Variants in GRIN2A observed in about 807,000 individuals in gnomAD.
The protein encoded by GRIN2A is glutamate receptor ionotropic, NMDA 2A.
GRIN2A carries 22 observed loss-of-function variants against 113.4 expected under a neutral mutation model. The observed-to-expected ratio is 0.19, with a 90% confidence interval of 0.14 to 0.28. The LOEUF is 0.28. GRIN2A is among the 10% of genes least tolerant of loss of function. GRIN2A has a pLI of 1.00. For synonymous variants in GRIN2A, 827 were observed against 738.4 expected (o/e 1.12, Z -1.94); for missense variants, 1,502 against 1,887.0 (o/e 0.80, Z 3.78).
At chr16:9,765,787 G>C (rs1900882802) in intron 12 of GRIN2A, among the ~76,000 whole-genome samples, 1 of 152,176 alleles carries the variant, frequency 6.6e-6, no homozygotes, top group Non-Finnish European at 1.5e-5. Context: ...TTAGAACTGG[G>C]TTTTAGTTAC....
At chr16:10,025,035 G>A (rs2046794005) in intron 2 of GRIN2A, among the ~76,000 whole-genome samples, 1 of 152,066 alleles carries the variant, frequency 6.6e-6, no homozygotes, top group African/African-American at 2.4e-5. Flanking sequence ...AAGGGAGGAA[G>A]AGGGAAGAGA....
At chr16:9,975,966 A>G (rs1190685228) in intron 2 of GRIN2A, among the ~76,000 whole-genome samples, 2 of 152,246 alleles carry the variant, frequency 1.3e-5, no homozygotes, top group Admixed American at 6.5e-5. Context: ...TATAATAACC[A>G]TAAATGTGTA....
intron 2 of GRIN2A, among the ~76,000 whole-genome samples, chr16:10,025,708 G>C (rs1213804711): frequency 1.3e-5 from 2 of 152,178 alleles, no homozygotes; most frequent in African/African-American, 4.8e-5. Context: ...AGACACCAGA[G>C]CGGGGTCCAC....
intron 3 of GRIN2A, among the ~76,000 whole-genome samples, chr16:9,930,605 G>A (rs1402714907): frequency 1.3e-5 from 2 of 152,220 alleles, no homozygotes; most frequent in African/African-American, 4.8e-5. Context: ...TGCGAGAAGT[G>A]TTTGTTGAGC....
At chr16:9,974,333 C>A (rs532242287) in intron 2 of GRIN2A, among the ~76,000 whole-genome samples, 1 of 152,284 alleles carries the variant, frequency 6.6e-6, no homozygotes, top group African/African-American at 2.4e-5. Flanking sequence ...AAAGATCGAC[C>A]CCTGACCTAA....
At chr16:10,053,702 C>T (rs1244519254) in intron 2 of GRIN2A, among the ~76,000 whole-genome samples, 1 of 152,214 alleles carries the variant, frequency 6.6e-6, no homozygotes, top group African/African-American at 2.4e-5. Flanking sequence ...CTTCTGTTGT[C>T]AGGGTCACTC....
intron 4 of GRIN2A, among the ~76,000 whole-genome samples, chr16:9,887,146 C>G (rs1204562959): frequency 6.6e-6 from 1 of 152,062 alleles, no homozygotes; most frequent in African/African-American, 2.4e-5. Context: ...CTTGGCCTCC[C>G]AAAGTGCTAG....
chr16:10,006,402 G>C (rs534957438), intron 2 of GRIN2A, among the ~76,000 whole-genome samples: 1 of 152,074 alleles, frequency 6.6e-6, no homozygotes, highest in African/African-American at 2.4e-5. Flanking sequence ...AAGGGGGAGC[G>C]GTCAAGGAGG....
At chr16:9,771,872 C>T (rs1193478061) in intron 11 of GRIN2A, among the ~76,000 whole-genome samples, 14 of 152,134 alleles carry the variant, frequency 9.2e-5, no homozygotes, top group Admixed American at 9.2e-4. Flanking sequence ...CTCATTTGGG[C>T]TTTAATTTCT....
intron 2 of GRIN2A, among the ~76,000 whole-genome samples, chr16:10,163,748 T>C (rs1006511226): frequency 3.3e-5 from 5 of 152,192 alleles, no homozygotes; most frequent in African/African-American, 1.2e-4. Context: ...GCTGTAGTGG[T>C]TAAATATTTT....
At position 9,769,139 on chromosome 16, in the gene GRIN2A, T is replaced by C. The variant is rs755516986; in HGVS notation, c.2357-50A>G. On this transcript the variant is annotated intron_variant, in intron 11 of 12. Coordinates refer to ENST00000330684, the MANE Select transcript of GRIN2A (RefSeq NM_001134407.3). The stretch of plus-strand genomic sequence containing the variant: ...GCAGTGAGGACCAGAACATGCACTT[T>C]GGGGCAGACGCTTCTGGGTTTGGAA... 9 of 1,383,996 alleles carry C rather than the reference T, an allele frequency of 6.5e-6. No individual in the cohort carries two copies. In the East Asian group the frequency reaches 1.8e-4, roughly 28 times the overall value. 85.7% of individuals were successfully genotyped at this position (1,383,996 alleles called of 1,614,324 possible).
At chr16:9,864,692 T>C (rs2043131385) in intron 4 of GRIN2A, among the ~76,000 whole-genome samples, 1 of 152,146 alleles carries the variant, frequency 6.6e-6, no homozygotes, top group Admixed American at 6.5e-5. Context: ...CTGCAGAGTT[T>C]TGCAATAAGG....
Position 9,912,505 on chromosome 16 carries a change from A to T in GRIN2A, c.1008-21405T>A, listed in dbSNP as rs184936472. Among the ~76,000 whole-genome samples the T allele has an allele frequency of 1.3e-3, 100 of 74,158 alleles. 1 individual carries two copies. In the East Asian group the frequency reaches 0.032, roughly 24 times the overall value. 48.7% of individuals were successfully genotyped at this position (74,158 alleles called of 152,430 possible). A position where few individuals can be genotyped will look rare whatever the true frequency, so the allele number is the denominator to read the frequency against. On this transcript the variant is annotated intron_variant, in intron 3 of 12. Coordinates refer to ENST00000330684, the MANE Select transcript of GRIN2A (RefSeq NM_001134407.3). ...AGCACTCTTCTTAAAATTCAGAGTA[A>T]GTGGGTGGGGTGGGGGGAGGGTAGT... is the stretch of plus-strand genomic sequence containing the variant.
intron 2 of GRIN2A, among the ~76,000 whole-genome samples, chr16:10,143,205 G>C (rs927146963): frequency 5.9e-5 from 9 of 152,142 alleles, no homozygotes; most frequent in Non-Finnish European, 1.3e-4. Context: ...GTGAAAACAA[G>C]GACACTGTAA....
Position 9,764,642 on chromosome 16 carries a change from C to T in GRIN2A, c.2902G>A (p.Ala968Thr), listed in dbSNP as rs2141136106. 1 of 1,614,122 alleles carries T rather than the reference C, an allele frequency of 6.2e-7. No individual in the cohort carries two copies. The highest frequency in any genetic ancestry group is 8.5e-7 in the Non-Finnish European group (1 of 1,180,008). Residue 968 changes from alanine (A) to threonine (T), a missense_variant, in exon 13 of 13, where the codon GCC becomes ACC. By Grantham distance (58) the Ala-to-Thr change is moderately conservative. Transcript: ENST00000330684. ...DNMNELQTFV[A>T]NRQKDNLNNY... The stretch of plus-strand genomic sequence containing the variant: ...TTGAGGTTATCCTTCTGCCGGTTGG[C>T]CACAAATGTTTGGAGTTCGTTCATG...
chr16:9,861,459 CACAA>C (rs1260401598), intron 4 of GRIN2A, among the ~76,000 whole-genome samples: 3 of 152,210 alleles, frequency 2.0e-5, no homozygotes, highest in Non-Finnish European at 4.4e-5. Context: ...ACATCTGACA[CACAA>C]ACAAACCGAT....
rs567048462 is a variant in GRIN2A at position 9,957,220 on chromosome 16, G to A, written c.415-18669C>T. On this transcript the variant is annotated intron_variant, in intron 2 of 12. Coordinates refer to ENST00000330684, the MANE Select transcript of GRIN2A (RefSeq NM_001134407.3). ...CCCTAGGGCTTGTTCTCAGCCAGGGGGACCAGCCTGGCACTCATCTGGTGC... is the reference window on the plus strand; with the variant it reads ...CCCTAGGGCTTGTTCTCAGCCAGGGAGACCAGCCTGGCACTCATCTGGTGC... Among the ~76,000 whole-genome samples the A allele has an allele frequency of 4.9e-4, 75 of 152,256 alleles. 1 individual carries two copies. The highest frequency in any genetic ancestry group is 6.8e-3 in the Middle Eastern group (2 of 294).
chr16:10,038,264 T>C (rs1343002340), intron 2 of GRIN2A, among the ~76,000 whole-genome samples: 1 of 151,990 alleles, frequency 6.6e-6, no homozygotes, highest in Non-Finnish European at 1.5e-5. Context: ...CATGACTTAA[T>C]CACCTCCCAA....
intron 11 of GRIN2A, among the ~76,000 whole-genome samples, chr16:9,784,347 T>C (rs974280295): frequency 3.4e-4 from 52 of 151,270 alleles, no homozygotes; most frequent in African/African-American, 1.1e-3. Flanking sequence ...GGAAAATTGC[T>C]TGAACCCAGG....
Sources: gnomAD v4.1 joint callset for allele counts (sites outside exome capture counted in the v4.1 genomes callset) on GRCh38, gnomAD v4.1.1 for gene constraint, MANE v1.5 for transcripts, NCBI Gene and HGNC (gene_info 2026-07-23, HGNC 2026-07-21) for gene names.